TOM1: variants seen among roughly 807,000 people sequenced by gnomAD.
The protein encoded by TOM1 is target of myb1 membrane trafficking protein, also known as target of Myb protein 1.
TOM1 carries 38 observed loss-of-function variants against 61.3 expected under a neutral mutation model. The observed-to-expected ratio is 0.62, with a 90% CI of 0.48 to 0.81. The LOEUF is 0.81. TOM1 is among the 40% of genes least tolerant of loss of function. TOM1 has a pLI of 0.00. For synonymous variants in TOM1, 270 were observed against 268.8 expected, an observed-to-expected ratio of 1.00 and a Z score of -0.04; for missense variants, 591 against 659.6, an observed-to-expected ratio of 0.90 and a Z score of 1.14.
In TOM1 at chr22:35,303,864, T is replaced by C. The variant is rs141830410; in HGVS notation, c.52+3884T>C. ...GTCCCACTCTGTTAGTGGTTGTGCA[T>C]GTCTGTCTCCACAGCTAGGCTGAAC... On this transcript the variant is annotated intron_variant, in intron 1 of 14. Coordinates refer to ENST00000449058, the MANE Select transcript of TOM1 (RefSeq NM_005488.3). Among the ~76,000 whole-genome samples, 1,334 of 152,306 alleles carry C rather than the reference T, an allele frequency of 8.8e-3. 10 individuals are homozygous for C. Among genetic ancestry groups the C allele is most frequent in the Non-Finnish European group, 0.011 (773 of 68,036 alleles).
intron 7 of TOM1, 137 bp from the exon 8 acceptor site, chr22:35,330,210 G>C (rs751186163): frequency 4.7e-6 from 4 of 842,230 alleles, no homozygotes; most frequent in Non-Finnish European, 7.2e-6. Flanking sequence ...CATGAACCCA[G>C]GACACAGCTT....
intron 13 of TOM1, among the ~76,000 whole-genome samples, chr22:35,346,531 C>T (rs129433): frequency 0.54 from 82,193 of 152,054 alleles, 23,767 homozygotes; most frequent in African/African-American, 0.74. Context: ...GCCTTTCCCC[C>T]CCAGGGGTGA....
At chr22:35,337,562 C>A (rs148922877) in intron 11 of TOM1, among the ~76,000 whole-genome samples, 1 of 152,370 alleles carries the variant, frequency 6.6e-6, no homozygotes, top group East Asian at 1.9e-4. Context: ...GAACAGACAG[C>A]AGCACTCTTC....
chr22:35,319,853 C>A (rs1927620447), intron 2 of TOM1, among the ~76,000 whole-genome samples: 1 of 152,206 alleles, frequency 6.6e-6, no homozygotes, highest in African/African-American at 2.4e-5. Context: ...TCCCTTTCCC[C>A]ACCGTGTCCC....
chr22:35,327,450 CTTT>C (rs1026448093), intron 7 of TOM1, 63 bp downstream of exon 7: 2 of 1,148,884 alleles, frequency 1.7e-6, no homozygotes, highest in African/African-American at 3.0e-5. Context: ...CACATGCATT[CTTT>C]CCCAATCCTC....
intron 1 of TOM1, among the ~76,000 whole-genome samples, chr22:35,302,470 G>A (rs1925919063): frequency 2.6e-5 from 4 of 151,572 alleles, no homozygotes; most frequent in African/African-American, 4.9e-5. Flanking sequence ...CAAGGTAGCC[G>A]GGATTACAGG....
rs767248629 is a variant in TOM1, at chr22:35,322,981, T to G, written c.217-47T>G. 3.1e-6 allele frequency: 5 copies of G among 1,601,666 alleles called. No homozygotes were observed. In the South Asian group the frequency reaches 5.5e-5, roughly 18 times the overall value. On this transcript the variant is annotated intron_variant, in intron 3 of 14. Transcript: ENST00000449058. ...CACGAGGGTGGGGGTTCTGAGCACC[T>G]CCTCTCCTCTGACCAAGGTGCTCGA...
chr22:35,343,003 CCA>C lies in TOM1; in HGVS notation c.1225-2713_1225-2712del, dbSNP rs1055040083. On this transcript the variant is annotated intron_variant, in intron 12 of 14. Transcript: ENST00000449058. ...ACTCATACACCTACACACCCCCACA[CCA>C]CACACACATCTACACCCACCACACA... Among the ~76,000 whole-genome samples the C allele has an allele frequency of 7.0e-5, 10 of 142,886 alleles. No individual in the cohort carries two copies. In the South Asian group the frequency reaches 2.1e-3, roughly 29 times the overall value. 93.7% of individuals were successfully genotyped at this position (142,886 alleles called of 152,430 possible).
Position 35,330,387 on chromosome 22 carries a change from T to C in TOM1, c.806T>C (p.Leu269Pro), listed in dbSNP as rs1156784801. Residue 269 changes from leucine to proline, a missense_variant, in exon 8 of 15, where the codon CTG (leucine) becomes CCG (proline). Physicochemically the swap from Leu to Pro is moderately conservative, Grantham distance 98. Transcript: ENST00000449058. ...TGCCGAGCCATGCAGCAGCGGGTCC[T>C]GGAGCTCATCCCTCAGATCGCCAAT... ...RTCRAMQQRV[L>P]ELIPQIANEQ... The C allele has an allele frequency of 6.2e-7, 1 of 1,613,556 alleles. No homozygotes were observed. The highest frequency in any genetic ancestry group is 8.5e-7 in the Non-Finnish European group (1 of 1,179,794).
In TOM1 at chr22:35,347,137, G is replaced by A. The variant is rs936090045; in HGVS notation, c.1407G>A (p.Pro469=). 15 of 1,613,384 alleles carry A rather than the reference G, an allele frequency of 9.3e-6. No individual in the cohort carries two copies. The highest frequency in any genetic ancestry group is 2.2e-5 in the East Asian group (1 of 44,870). The change falls in exon 15 of 15, where the codon CCG becomes CCA. Residue 469 remains proline, a synonymous_variant. Transcript: ENST00000449058. The part of the protein sequence containing the change: ...NLSSPSAEGP[P]GPPSGPAPRK... ...CCAGCCCCTCAGCTGAGGGGCCCCCGGGTCCCCCATCTGGCCCAGCGCCCC... is the reference window on the plus strand; with the variant it reads ...CCAGCCCCTCAGCTGAGGGGCCCCCAGGTCCCCCATCTGGCCCAGCGCCCC...
At position 35,324,412 on chromosome 22, in the gene TOM1, CAAAAAAAA is replaced by C. The variant is rs58401864; in HGVS notation, c.648+515_648+522del. ...CTGGGCAACATAGAGAGACCTGTTT[CAAAAAAAA>C]AAAAAAAAAAAAAAAAGGCTTCATT... On this transcript the variant is annotated intron_variant, in intron 6 of 14. Coordinates refer to ENST00000449058, the MANE Select transcript of TOM1 (RefSeq NM_005488.3). Among the ~76,000 whole-genome samples the C allele has an allele frequency of 1.6e-4, 10 of 61,178 alleles. No individual in the cohort carries two copies. In the East Asian group the frequency reaches 4.4e-3, roughly 27 times the overall value. 40.1% of individuals were successfully genotyped at this position (61,178 alleles called of 152,430 possible). A position where few individuals can be genotyped will look rare whatever the true frequency, so the allele number is the denominator to read the frequency against.
At position 35,333,385 on chromosome 22, in the gene TOM1, G is replaced by T; in HGVS notation, c.934-19G>T. On this transcript the variant is annotated intron_variant, in intron 9 of 14. Transcript: ENST00000449058. ...GCTGCAGACAGCGGGGATGATCAGG[G>T]CATCTCCCTTCCCACCAGGCCCCAA... 1 of 1,610,402 alleles carries T rather than the reference G, an allele frequency of 6.2e-7. No individual in the cohort carries two copies. The highest frequency in any genetic ancestry group is 8.5e-7 in the Non-Finnish European group (1 of 1,177,056).
At chr22:35,301,833 T>A (rs1925829695) in intron 1 of TOM1, among the ~76,000 whole-genome samples, 1 of 152,074 alleles carries the variant, frequency 6.6e-6, no homozygotes, top group Admixed American at 6.5e-5. Context: ...CACCCCACAG[T>A]GAGTCATGGT....
chr22:35,299,872 G>A (rs993928242), upstream of TOM1: 15 of 1,550,806 alleles, frequency 9.7e-6, no homozygotes, highest in South Asian at 1.7e-4. Flanking sequence ...CGGGTCGGTG[G>A]CGCTGGCGGT....
At chr22:35,325,031 G>A (rs1342022585) in intron 6 of TOM1, among the ~76,000 whole-genome samples, 2 of 152,076 alleles carry the variant, frequency 1.3e-5, no homozygotes, top group African/African-American at 4.8e-5. Flanking sequence ...TCTGCTGAGT[G>A]ACTTCTACAG....
chr22:35,310,180 C>T (rs1453838368), intron 1 of TOM1, among the ~76,000 whole-genome samples: 1 of 152,184 alleles, frequency 6.6e-6, no homozygotes, highest in Admixed American at 6.5e-5. Flanking sequence ...AGGGTGAAGG[C>T]TCTGGAGATC....
chr22:35,343,502 TAC>T (rs985750250), intron 12 of TOM1, among the ~76,000 whole-genome samples: 2 of 93,286 alleles, frequency 2.1e-5, no homozygotes, highest in African/African-American at 8.7e-5. Context: ...ACATCACACC[TAC>T]ACACTCATAC....
chr22:35,319,214 A>G (rs916517445), intron 2 of TOM1, among the ~76,000 whole-genome samples: 4 of 152,178 alleles, frequency 2.6e-5, no homozygotes, highest in Non-Finnish European at 5.9e-5. Flanking sequence ...AAGTCACTGC[A>G]GTATCCTTGG....
intron 1 of TOM1, 77 bp from the exon 2 acceptor site, chr22:35,317,800 C>T (rs1243452700): frequency 8.2e-6 from 9 of 1,100,024 alleles, no homozygotes; most frequent in Non-Finnish European, 1.3e-5. Flanking sequence ...CCTGCACCCC[C>T]CTCCTCTCCC....
Sources: allele counts gnomAD v4.1 joint callset (sites outside exome capture counted in the v4.1 genomes callset), GRCh38; gene constraint gnomAD v4.1.1; transcripts MANE v1.5; gene names NCBI Gene and HGNC (gene_info 2026-07-23, HGNC 2026-07-21).